Variants in MTUS2 observed in about 807,000 individuals in gnomAD.
MTUS2 encodes microtubule-associated tumor suppressor candidate 2.
A neutral mutation model predicts 114.1 loss-of-function variants in MTUS2; 40 were observed. The ratio of observed to expected loss-of-function variants is 0.35; its 90% CI spans 0.27 to 0.46. MTUS2 has a LOEUF of 0.46. Among genes scored for constraint, MTUS2 ranks in the 20% least tolerant of loss-of-function variants. The pLI, the probability that MTUS2 is intolerant of heterozygous loss-of-function variation, is 1.00. For synonymous variants in MTUS2, 688 were observed against 672.0 expected (o/e 1.02, Z -0.37); for missense variants, 1,679 against 1,705.4 (o/e 0.98, Z 0.27).
Position 29,042,561 on chromosome 13 carries a change from G to T in MTUS2, c.2446+8436G>T, listed in dbSNP as rs573526172. ...GATTTGTACCAGTTCTTCTTTGAAG[G>T]TCTCATAGAATTCAACTGTGAACTC... On this transcript the variant is annotated intron_variant, in intron 4 of 15. Coordinates refer to ENST00000612955, the MANE Select transcript of MTUS2 (RefSeq NM_001033602.4). 1.2e-3 allele frequency among the ~76,000 whole-genome samples: 184 copies of T among 152,146 alleles called. No individual in the cohort carries two copies. In the Middle Eastern group the frequency reaches 0.024, roughly 20 times the overall value.
chr13:28,948,569 A>T lies in MTUS2; in HGVS notation c.-242-75888A>T, dbSNP rs1882651863. Among the ~76,000 whole-genome samples, 3 of 152,176 alleles carry T rather than the reference A, an allele frequency of 2.0e-5. No individual in the cohort carries two copies. The South Asian group carries it at 6.2e-4, about 31-fold the overall frequency. On this transcript the variant is annotated intron_variant, in intron 2 of 15. Transcript: ENST00000612955. Reference sequence around the variant, plus strand: ...AGAAAATTAGTCTTCTTGATTTCTAAGATTTTTCCCCCTTATTCCAATATA... The same window carrying T: ...AGAAAATTAGTCTTCTTGATTTCTATGATTTTTCCCCCTTATTCCAATATA...
Position 29,501,327 on chromosome 13 carries a change from A to T in MTUS2, c.3896+133A>T, listed in dbSNP as rs1014368295. The T allele has an allele frequency of 6.0e-6, 4 of 671,258 alleles. No individual in the cohort carries two copies. In the East Asian group the frequency reaches 1.1e-4, roughly 19 times the overall value. 41.6% of individuals were successfully genotyped at this position (671,258 alleles called of 1,614,324 possible). The stretch of plus-strand genomic sequence containing the variant: ...TTGCTGTTTTCCCCAAGACCTGAAG[A>T]ACAAGAACAAACCCCTGCGGCCATC... On this transcript the variant is annotated intron_variant, in intron 15 of 15. Coordinates refer to ENST00000612955, the MANE Select transcript of MTUS2 (RefSeq NM_001033602.4).
rs1050436715 is a variant in MTUS2 at position 28,919,391 on chromosome 13, A to G, written c.-243+79541A>G. Reference sequence around the variant, plus strand: ...TTCCCTTCAGCACTTTAAATATGTTATGCCACTCTCTCTCGCCCTGCAAGG... The same window carrying G: ...TTCCCTTCAGCACTTTAAATATGTTGTGCCACTCTCTCTCGCCCTGCAAGG... On this transcript the variant is annotated intron_variant, in intron 2 of 15. Transcript: ENST00000612955. 7.2e-5 allele frequency among the ~76,000 whole-genome samples: 11 copies of G among 151,988 alleles called. 1 individual carries two copies. The South Asian group carries it at 1.2e-3, about 17-fold the overall frequency.
At position 29,099,551 on chromosome 13, in the gene MTUS2, C is replaced by T. The variant is rs951797092; in HGVS notation, c.2447-1222C>T. 2.6e-4 allele frequency among the ~76,000 whole-genome samples: 40 copies of T among 152,158 alleles called. 1 individual carries two copies. Among genetic ancestry groups the T allele is most frequent in the African/African-American group, 9.7e-4 (40 of 41,432 alleles). ...GATGCTTTCTAATATGTGGTTTCTT[C>T]ATGGATTTATAGACGTGGAATTTTT... is the stretch of plus-strand genomic sequence containing the variant. On this transcript the variant is annotated intron_variant, in intron 4 of 15. Coordinates refer to ENST00000612955, the MANE Select transcript of MTUS2 (RefSeq NM_001033602.4).
rs1878493118 is a variant in MTUS2 at position 28,884,751 on chromosome 13, A to G, written c.-243+44901A>G. ...GTTCTCACTGGGAGAAGCTGGGCGA[A>G]ATGTACATAGGACCTTGCTGCATTT... On this transcript the variant is annotated intron_variant, in intron 2 of 15. Coordinates refer to ENST00000612955, the MANE Select transcript of MTUS2 (RefSeq NM_001033602.4). 2.0e-5 allele frequency among the ~76,000 whole-genome samples: 3 copies of G among 152,306 alleles called. No individual in the cohort carries two copies. In the South Asian group the frequency reaches 6.2e-4, roughly 32 times the overall value.
chr13:29,318,614 G>GAAAGGA (rs1158915742), intron 6 of MTUS2, among the ~76,000 whole-genome samples: 1 of 152,008 alleles, frequency 6.6e-6, no homozygotes, highest in Admixed American at 6.6e-5. Flanking sequence ...CTTTGCAATT[G>GAAAGGA]GTCTTTGTTT....
chr13:29,282,402 C>G (rs758849624), intron 6 of MTUS2, among the ~76,000 whole-genome samples: 2 of 152,252 alleles, frequency 1.3e-5, no homozygotes, highest in Non-Finnish European at 2.9e-5. Context: ...AAACTGATCC[C>G]TGTGCCCCAC....
At chr13:28,987,381 G>A (rs192654299) in intron 2 of MTUS2, among the ~76,000 whole-genome samples, 4 of 152,258 alleles carry the variant, frequency 2.6e-5, no homozygotes, top group South Asian at 2.1e-4. Flanking sequence ...TGGTCTTTGC[G>A]AGGGCTGTTT....
At chr13:29,439,779 C>G (rs1043812007) in intron 8 of MTUS2, among the ~76,000 whole-genome samples, 25 of 152,296 alleles carry the variant, frequency 1.6e-4, no homozygotes, top group African/African-American at 5.8e-4. Context: ...TATTATGATG[C>G]AAGCTTTGCC....
At chr13:28,992,144 T>G (rs1228034882) in intron 2 of MTUS2, among the ~76,000 whole-genome samples, 1 of 152,118 alleles carries the variant, frequency 6.6e-6, no homozygotes, top group Non-Finnish European at 1.5e-5. Flanking sequence ...GCCTGAAACT[T>G]TTTTTCCCCT....
At chr13:29,360,871 T>C (rs1230224233) in intron 8 of MTUS2, among the ~76,000 whole-genome samples, 1 of 152,176 alleles carries the variant, frequency 6.6e-6, no homozygotes, top group East Asian at 1.9e-4. Flanking sequence ...TCAGTGACCC[T>C]GTTTTAGTCA....
At chr13:29,314,711 GT>G (rs955582211) in intron 6 of MTUS2, among the ~76,000 whole-genome samples, 10 of 152,174 alleles carry the variant, frequency 6.6e-5, no homozygotes, top group Admixed American at 6.5e-4. Context: ...CTACTGGGTG[GT>G]TTTTGTTGTT....
chr13:28,911,845 GT>G (rs202187530), intron 2 of MTUS2, among the ~76,000 whole-genome samples: 15,551 of 103,750 alleles, frequency 0.15, 837 homozygotes, highest in African/African-American at 0.25. Flanking sequence ...ACTTTTTAAT[GT>G]TTTTTTTTTT....
At chr13:29,461,933 G>T (rs968905050) in intron 9 of MTUS2, among the ~76,000 whole-genome samples, 1 of 152,174 alleles carries the variant, frequency 6.6e-6, no homozygotes, top group Admixed American at 6.5e-5. Context: ...GCCTGGGGGA[G>T]GGATTCCAGG....
At chr13:29,387,229 T>C (rs1001227578) in intron 8 of MTUS2, among the ~76,000 whole-genome samples, 3 of 152,084 alleles carry the variant, frequency 2.0e-5, no homozygotes, top group African/African-American at 7.2e-5. Flanking sequence ...GAGCTGACCT[T>C]GAAGAGATGA....
At chr13:29,400,240 G>C (rs532938226) in intron 8 of MTUS2, among the ~76,000 whole-genome samples, 3 of 152,336 alleles carry the variant, frequency 2.0e-5, no homozygotes, top group African/African-American at 7.2e-5. Context: ...GTCTGAGATA[G>C]AAGGAATGTT....
Position 29,480,650 on chromosome 13 carries a change from C to A in MTUS2, c.3399+286C>A, listed in dbSNP as rs1300369624. On this transcript the variant is annotated intron_variant, in intron 10 of 15. Coordinates refer to ENST00000612955, the MANE Select transcript of MTUS2 (RefSeq NM_001033602.4). The surrounding 1 kb of genome is among the most constrained non-coding windows in gnomAD (Gnocchi z 4.4). ...CTTGCCCTCCCTTCCAGACTTTTCT[C>A]TGTCACCTTGCTCAGTGAGACCTTT... Among the ~76,000 whole-genome samples, 1 of 152,226 alleles carries A rather than the reference C, an allele frequency of 6.6e-6. No homozygotes were observed. Among genetic ancestry groups the A allele is most frequent in the Non-Finnish European group, 1.5e-5 (1 of 68,044 alleles).
At chr13:29,003,369 T>C (rs1434528268) in intron 2 of MTUS2, among the ~76,000 whole-genome samples, 1 of 152,136 alleles carries the variant, frequency 6.6e-6, no homozygotes, top group African/African-American at 2.4e-5. Context: ...GTCCAGGGAG[T>C]CCATGCCCTT....
chr13:28,865,286 A>C (rs1238231010), intron 2 of MTUS2, among the ~76,000 whole-genome samples: 1 of 152,178 alleles, frequency 6.6e-6, no homozygotes, highest in Non-Finnish European at 1.5e-5. Context: ...GGTGGTACAG[A>C]GGTCCATGAT....
Sources: allele counts gnomAD v4.1 joint callset (sites outside exome capture counted in the v4.1 genomes callset), GRCh38; gene constraint gnomAD v4.1.1; non-coding constraint Gnocchi (gnomAD v3.1); transcripts MANE v1.5; gene names NCBI Gene and HGNC (gene_info 2026-07-23, HGNC 2026-07-21).